PHF14: variants seen among roughly 807,000 people sequenced by gnomAD.
PHF14 encodes the protein PHD finger protein 14.
A neutral mutation model predicts 117.9 loss-of-function variants in PHF14; 55 were observed. The ratio of observed to expected loss-of-function variants is 0.47; its 90% confidence interval spans 0.38 to 0.58. The LOEUF (loss-of-function observed/expected upper bound fraction) is 0.58. Ranked by LOEUF, PHF14 falls within the 20% of genes least tolerant of loss-of-function variation. The pLI, the probability that PHF14 is intolerant of heterozygous loss-of-function variation, is 0.00. For missense variants in PHF14, 978 were observed against 1,122.2 expected (o/e 0.87, Z 1.84); for synonymous variants, 409 against 368.6 (o/e 1.11, Z -1.26).
At position 11,059,587 on chromosome 7, in the gene PHF14, C is replaced by A. The variant is rs2128328892; in HGVS notation, c.2482-2204C>A. On this transcript the variant is annotated intron_variant, in intron 14 of 17. Coordinates refer to ENST00000634607, the MANE Select transcript of PHF14 (RefSeq NM_001007157.2). ...GGTCAGGAGTTCGAGACCAGCCTGG[C>A]CAACATGGCAACCCGTTCTCTAGTA... is the stretch of plus-strand genomic sequence containing the variant. Among the ~76,000 whole-genome samples the A allele has an allele frequency of 1.3e-5, 2 of 152,156 alleles. 1 individual carries two copies. Among genetic ancestry groups the A allele is most frequent in the South Asian group, 4.2e-4 (2 of 4,812 alleles).
chr7:11,043,669 CT>C (rs1174053660), intron 13 of PHF14, among the ~76,000 whole-genome samples: 2 of 151,984 alleles, frequency 1.3e-5, no homozygotes, highest in Non-Finnish European at 2.9e-5. Context: ...CACATGATTG[CT>C]TTTTTATAGT....
At chr7:11,118,941 G>T (rs998409496) in intron 17 of PHF14, among the ~76,000 whole-genome samples, 1 of 151,650 alleles carries the variant, frequency 6.6e-6, no homozygotes, top group African/African-American at 2.4e-5. Context: ...CACAGAGAAA[G>T]GAAAATGGTT....
chr7:11,028,690 T>G lies in PHF14; in HGVS notation c.1327T>G (p.Phe443Val). The G allele has an allele frequency of 1.2e-6, 2 of 1,613,740 alleles. No homozygotes were observed. Among genetic ancestry groups the G allele is most frequent in the Non-Finnish European group, 1.7e-6 (2 of 1,179,730 alleles). Residue 443 changes from phenylalanine (F) to valine (V), a missense_variant, in exon 7 of 18, where the codon TTT becomes GTT. Transcript: ENST00000634607. ...YSKYGAKECS[F>V]CEDPRFARTG... ...TGTTACTTTGTTGTAGGAGTGTAGC[T>G]TTTGTGAAGACCCTCGCTTTGCTAG...
chr7:11,077,292 G>A (rs1785898240), intron 16 of PHF14, among the ~76,000 whole-genome samples: 1 of 151,262 alleles, frequency 6.6e-6, no homozygotes, highest in Non-Finnish European at 1.5e-5. Context: ...TTAACCAGTA[G>A]TGCAAAGAAA....
intron 1 of PHF14, 89 bp downstream of exon 1, chr7:10,974,413 G>C (rs1781791666): frequency 9.0e-7 from 1 of 1,114,144 alleles, no homozygotes; most frequent in Admixed American, 2.0e-5. Context: ...GGGTGGGAGA[G>C]TCCTGCGGGA....
chr7:11,145,632 T>G (rs966652830), intron 17 of PHF14, among the ~76,000 whole-genome samples: 8 of 151,988 alleles, frequency 5.3e-5, no homozygotes, highest in African/African-American at 1.9e-4. Flanking sequence ...TATTTAAAAA[T>G]TATATTAATA....
At chr7:11,040,478 A>G (rs41273045) in intron 11 of PHF14, among the ~76,000 whole-genome samples, 194 bp from the exon 12 acceptor site, 2,999 of 152,172 alleles carry the variant, frequency 0.02, 40 homozygotes, top group Middle Eastern at 0.044. Flanking sequence ...AAAGTCTGTA[A>G]TTATAGATTT....
At chr7:11,161,224 G>T (rs1370942019) in intron 17 of PHF14, among the ~76,000 whole-genome samples, 1 of 151,640 alleles carries the variant, frequency 6.6e-6, no homozygotes, top group Admixed American at 6.6e-5. Flanking sequence ...TAATTTTAGG[G>T]CCTGAGCAAA....
chr7:10,982,622 A>G lies in PHF14; in HGVS notation c.363A>G (p.Lys121=). The G allele has an allele frequency of 6.5e-7, 1 of 1,536,218 alleles. No individual in the cohort carries two copies. The highest frequency in any genetic ancestry group is 1.2e-5 in the South Asian group (1 of 82,914). The change falls in exon 3 of 18, where the codon AAA becomes AAG. Residue 121 remains lysine, a synonymous_variant. Coordinates refer to ENST00000634607, the MANE Select transcript of PHF14 (RefSeq NM_001007157.2). ...AGAAAAAGGAGAAAGAGAAGGAAAA[A>G]GAAAAGGAAAAGGAGAAAGAGAAGG... ...PRKKKEKEKE[K]EKEKEKEKER... is the part of the protein sequence containing the mutation.
intron 16 of PHF14, among the ~76,000 whole-genome samples, chr7:11,071,682 C>A (rs1200207859): frequency 6.6e-6 from 1 of 152,198 alleles, no homozygotes; most frequent in Admixed American, 6.5e-5. Flanking sequence ...TCATAGCCCC[C>A]ATTTCCAGCG....
intron 11 of PHF14, 30 bp from the exon 12 acceptor site, chr7:11,040,642 A>C (rs905982274): frequency 1.7e-6 from 2 of 1,196,092 alleles, no homozygotes; most frequent in Non-Finnish European, 2.3e-6. Flanking sequence ...TTCTTAAAAC[A>C]ATATATACTA....
chr7:10,992,158 A>G lies in PHF14; in HGVS notation c.1045+1311A>G, dbSNP rs565083110. Among the ~76,000 whole-genome samples the G allele has an allele frequency of 4.8e-3, 734 of 151,528 alleles. 5 individuals carry two copies. The highest frequency in any genetic ancestry group is 0.017 in the African/African-American group (689 of 41,358). On this transcript the variant is annotated intron_variant, in intron 4 of 17. Transcript: ENST00000634607. ...AACCTCTGCCTCCCAGGTTCAAGCG[A>G]TTCTCCTGCCTCAGCCTCCCGAGTA...
At chr7:11,077,680 C>T (rs1672164286) in intron 16 of PHF14, among the ~76,000 whole-genome samples, 1 of 150,610 alleles carries the variant, frequency 6.6e-6, no homozygotes, top group African/African-American at 2.4e-5. Flanking sequence ...AACAGATATA[C>T]CTCGTACATA....
chr7:11,126,016 C>A (rs1232740986), intron 17 of PHF14, among the ~76,000 whole-genome samples: 1 of 152,060 alleles, frequency 6.6e-6, no homozygotes, highest in African/African-American at 2.4e-5. Context: ...GCAATGTGTT[C>A]ACTTTCGTGT....
rs1226901932 is a variant in PHF14 at position 11,143,704 on chromosome 7, T to G, written c.2773-25712T>G. On this transcript the variant is annotated intron_variant, in intron 17 of 17. Coordinates refer to ENST00000634607, the MANE Select transcript of PHF14 (RefSeq NM_001007157.2). ...AAATATCTACTAAGCATCTTGTAAG[T>G]GTAACACCCACTAATAGTACAGGGG... Among the ~76,000 whole-genome samples the G allele has an allele frequency of 2.6e-5, 4 of 152,292 alleles. No homozygotes were observed. In the East Asian group the frequency reaches 5.8e-4, roughly 22 times the overall value.
intron 14 of PHF14, among the ~76,000 whole-genome samples, chr7:11,054,326 G>A (rs1784944836): frequency 6.6e-6 from 1 of 152,068 alleles, no homozygotes; most frequent in South Asian, 2.1e-4. Flanking sequence ...TAGGTGCTAC[G>A]CTTATACTAA....
intron 17 of PHF14, among the ~76,000 whole-genome samples, chr7:11,158,992 A>C (rs933709851): frequency 1.3e-5 from 2 of 152,250 alleles, no homozygotes; most frequent in African/African-American, 4.8e-5. Context: ...AGTTTAAACT[A>C]TTTACAGTTT....
chr7:11,093,811 C>A (rs956368922), intron 16 of PHF14, among the ~76,000 whole-genome samples: 3 of 152,072 alleles, frequency 2.0e-5, no homozygotes, highest in Non-Finnish European at 4.4e-5. Flanking sequence ...TGGCTTGTGT[C>A]TTTGGCACAT....
intron 16 of PHF14, among the ~76,000 whole-genome samples, chr7:11,096,356 C>T (rs1786866302): frequency 6.6e-6 from 1 of 152,140 alleles, no homozygotes; most frequent in South Asian, 2.1e-4. Flanking sequence ...CTGACAATTT[C>T]ACTTATAGGA....
Sources: allele counts gnomAD v4.1 joint callset (sites outside exome capture counted in the v4.1 genomes callset), GRCh38; gene constraint gnomAD v4.1.1; transcripts MANE v1.5; gene names NCBI Gene and HGNC (gene_info 2026-07-23, HGNC 2026-07-21).